Variants in NFASC observed in about 807,000 individuals in gnomAD.
The protein encoded by NFASC is neurofascin homolog.
A neutral mutation model predicts 147.5 loss-of-function variants in NFASC; 43 were observed. The observed-to-expected ratio is 0.29, with a 90% CI of 0.23 to 0.38. NFASC has a LOEUF of 0.38. NFASC is among the 10% of genes least tolerant of loss of function. The pLI is 1.00. For synonymous variants in NFASC, 622 were observed against 665.5 expected (o/e 0.93, Z 1.01); for missense variants, 1,320 against 1,689.0 (o/e 0.78, Z 3.83).
intron 1 of NFASC, among the ~76,000 whole-genome samples, chr1:204,838,019 C>T (rs887295922): frequency 1.3e-5 from 2 of 152,162 alleles, no homozygotes; most frequent in African/African-American, 2.4e-5. Flanking sequence ...TCCCACAGAA[C>T]ACCTAAAGCC....
chr1:205,002,727 A>G lies in NFASC; in HGVS notation c.3268A>G (p.Ile1090Val). The G allele has an allele frequency of 6.4e-7, 1 of 1,555,782 alleles. No homozygotes were observed. Among genetic ancestry groups the G allele is most frequent in the Non-Finnish European group, 8.8e-7 (1 of 1,139,066 alleles). The change falls in exon 27 of 30, where the codon ATC becomes GTC. Residue 1090 changes from isoleucine (I) to valine (V), a missense_variant. By Grantham distance (29) the Ile-to-Val change is conservative. Transcript: ENST00000339876. The stretch of plus-strand genomic sequence containing the variant: ...CAACGAGGGCATCAGCAGTACCGTC[A>G]TCACCTTTATGACCAGTACAGGTGA... ...RDNEGISSTV[I>V]TFMTSTAYTN...
chr1:204,866,769 G>C (rs1473410382), intron 1 of NFASC, among the ~76,000 whole-genome samples: 1 of 152,204 alleles, frequency 6.6e-6, no homozygotes, highest in African/African-American at 2.4e-5. Context: ...TCATCTGGTA[G>C]AGGAGGAAAT....
intron 2 of NFASC, among the ~76,000 whole-genome samples, chr1:204,940,204 A>T (rs2093261948): frequency 6.6e-6 from 1 of 152,112 alleles, no homozygotes; most frequent in Non-Finnish European, 1.5e-5. Flanking sequence ...TATAATCCCA[A>T]CACTTTGGGA....
chr1:204,882,908 G>A (rs993093616), intron 1 of NFASC, among the ~76,000 whole-genome samples: 7 of 152,034 alleles, frequency 4.6e-5, no homozygotes, highest in African/African-American at 7.2e-5. Context: ...ATAGACGCCC[G>A]GGGTTCTCAG....
chr1:204,850,828 A>G (rs2075614781), intron 1 of NFASC, among the ~76,000 whole-genome samples: 1 of 152,154 alleles, frequency 6.6e-6, no homozygotes, highest in Non-Finnish European at 1.5e-5. Context: ...GTGAGAATGG[A>G]TTCATACAGT....
At chr1:204,961,826 A>G (rs1469065782) in intron 8 of NFASC, among the ~76,000 whole-genome samples, 1 of 152,198 alleles carries the variant, frequency 6.6e-6, no homozygotes, top group Non-Finnish European at 1.5e-5. Context: ...CAATTAATTA[A>G]AGTTCAAACC....
At chr1:204,871,442 G>A (rs1431021732) in intron 1 of NFASC, among the ~76,000 whole-genome samples, 2 of 152,166 alleles carry the variant, frequency 1.3e-5, no homozygotes, top group African/African-American at 2.4e-5. Context: ...GTGAGATGCC[G>A]GAGAGCATTT....
intron 1 of NFASC, among the ~76,000 whole-genome samples, chr1:204,897,244 T>A (rs1188990548): frequency 1.3e-5 from 2 of 152,064 alleles, no homozygotes; most frequent in African/African-American, 4.8e-5. Flanking sequence ...ATGTGACAAA[T>A]GAGTAGAGAC....
intron 1 of NFASC, among the ~76,000 whole-genome samples, chr1:204,846,668 G>A (rs1339321331): frequency 1.3e-5 from 2 of 152,148 alleles, no homozygotes; most frequent in East Asian, 3.9e-4. Context: ...AGAGAACCAC[G>A]TGACCATCAC....
chr1:204,961,226 C>T (rs1260500718), intron 8 of NFASC, among the ~76,000 whole-genome samples: 2 of 152,174 alleles, frequency 1.3e-5, no homozygotes, highest in Non-Finnish European at 2.9e-5. Flanking sequence ...GAGTAAATGC[C>T]CACGAGTTTG....
At chr1:205,014,892 G>T (rs1281879999) in intron 29 of NFASC, among the ~76,000 whole-genome samples, 1 of 152,132 alleles carries the variant, frequency 6.6e-6, no homozygotes, top group Non-Finnish European at 1.5e-5. Flanking sequence ...GGAGCCTGGC[G>T]ATTTCCCTCC....
At chr1:204,953,899 A>G (rs1010948988) in intron 5 of NFASC, among the ~76,000 whole-genome samples, 1 of 152,210 alleles carries the variant, frequency 6.6e-6, no homozygotes, top group Non-Finnish European at 1.5e-5. Context: ...TAGCTACTTC[A>G]GTATCTAACA....
At chr1:204,997,594 T>G in intron 25 of NFASC, 188 bp downstream of exon 25, 1 of 694,914 alleles carries the variant, frequency 1.4e-6, no homozygotes, top group Non-Finnish European at 2.5e-6. Context: ...GAGGCCCAGA[T>G]CTCCCCAGCC....
At chr1:205,001,643 T>C (rs1200422708) in intron 26 of NFASC, among the ~76,000 whole-genome samples, 1 of 152,154 alleles carries the variant, frequency 6.6e-6, no homozygotes, top group Admixed American at 6.5e-5. Flanking sequence ...TAACTCAGGC[T>C]CCACTTGACT....
intron 1 of NFASC, among the ~76,000 whole-genome samples, chr1:204,856,284 T>G (rs2076147499): frequency 1.3e-5 from 2 of 151,696 alleles, no homozygotes; most frequent in Admixed American, 1.3e-4. Context: ...GCTTCCCAAA[T>G]GAAGCTACAC....
chr1:204,846,003 T>C (rs1010998569), intron 1 of NFASC, among the ~76,000 whole-genome samples: 27 of 152,126 alleles, frequency 1.8e-4, no homozygotes, highest in African/African-American at 6.3e-4. Flanking sequence ...ATTGCCTTCA[T>C]GCTGGCCACA....
rs1251189948 is a variant in NFASC, at chr1:204,988,736, C to T, written c.2697C>T (p.Thr899=). 1.2e-5 allele frequency: 20 copies of T among 1,614,122 alleles called. No individual in the cohort carries two copies. Among genetic ancestry groups the T allele is most frequent in the Non-Finnish European group, 1.7e-5 (20 of 1,180,048 alleles). The change falls in exon 23 of 30, where the codon ACC becomes ACT. Residue 899 remains threonine (T), a synonymous_variant. Transcript: ENST00000339876. ...RTDPVSRYRF[T]LSARTQVGSG... ...ACCCCGTGTCACGCTACCGCTTTACCCTCAGCGCCAGGACGCAGGTGGGCT... is the reference window on the plus strand; with the variant it reads ...ACCCCGTGTCACGCTACCGCTTTACTCTCAGCGCCAGGACGCAGGTGGGCT...
intron 3 of NFASC, chr1:204,946,604 G>A: frequency 6.3e-6 from 3 of 475,346 alleles, no homozygotes; most frequent in South Asian, 4.5e-5. Context: ...GGGGATGAGG[G>A]GGCAGGTCCT....
intron 1 of NFASC, among the ~76,000 whole-genome samples, chr1:204,867,524 A>G (rs7546969): frequency 0.064 from 9,779 of 151,906 alleles, 891 homozygotes; most frequent in East Asian, 0.21. Flanking sequence ...AGGCTGACAG[A>G]TGCCCACATG....
Sources: gnomAD v4.1 joint callset for allele counts (sites outside exome capture counted in the v4.1 genomes callset) on GRCh38, gnomAD v4.1.1 for gene constraint, MANE v1.5 for transcripts, NCBI Gene and HGNC (gene_info 2026-07-23, HGNC 2026-07-21) for gene names.